PLEKHA7: variants seen among roughly 807,000 people sequenced by gnomAD.
PLEKHA7 encodes the protein pleckstrin homology domain containing A7.
In PLEKHA7, 104 loss-of-function variants were observed where a neutral mutation model predicts 170.0. The ratio of observed to expected loss-of-function variants is 0.61; its 90% CI spans 0.52 to 0.72. The LOEUF is 0.72. PLEKHA7 is among the 30% of genes least tolerant of loss of function. PLEKHA7 has a pLI of 0.00. For missense variants in PLEKHA7, 1,615 were observed against 1,671.7 expected, an observed-to-expected ratio of 0.97 and a Z score of 0.59; for synonymous variants, 648 against 660.8, an observed-to-expected ratio of 0.98 and a Z score of 0.30.
chr11:16,781,877 T>C (rs1849044844), intron 26 of PLEKHA7, among the ~76,000 whole-genome samples: 1 of 152,060 alleles, frequency 6.6e-6, no homozygotes, highest in Non-Finnish European at 1.5e-5. Context: ...CTTCAGGCTC[T>C]ATGGCTGTTC....
chr11:16,833,989 A>AT, intron 9 of PLEKHA7, among the ~76,000 whole-genome samples: 2 of 151,716 alleles, frequency 1.3e-5, no homozygotes, highest in African/African-American at 4.9e-5. Flanking sequence ...TTTTATATAT[A>AT]GATATATGTT....
At chr11:16,842,098 G>A (rs751207430) in intron 8 of PLEKHA7, among the ~76,000 whole-genome samples, 6 of 152,222 alleles carry the variant, frequency 3.9e-5, no homozygotes, top group Non-Finnish European at 8.8e-5. Flanking sequence ...TGTGATTCCT[G>A]CTTTGGCTAT....
intron 3 of PLEKHA7, among the ~76,000 whole-genome samples, chr11:16,929,596 G>T (rs2215086): frequency 0.13 from 20,106 of 152,252 alleles, 1,358 homozygotes; most frequent in Admixed American, 0.16. Context: ...TGCCTCCCCC[G>T]CTTCTTGGTA....
At chr11:16,799,217 A>G (rs1422352317) in intron 17 of PLEKHA7, among the ~76,000 whole-genome samples, 1 of 152,252 alleles carries the variant, frequency 6.6e-6, no homozygotes, top group Non-Finnish European at 1.5e-5. Flanking sequence ...ATATCAGGTT[A>G]TGACAAAAAA....
intron 13 of PLEKHA7, among the ~76,000 whole-genome samples, chr11:16,811,944 C>T (rs216492): frequency 0.37 from 56,631 of 151,988 alleles, 10,887 homozygotes; most frequent in South Asian, 0.51. Context: ...CATGCCACCT[C>T]CTCCCAGAAG....
intron 17 of PLEKHA7, 63 bp downstream of exon 17, chr11:16,800,911 G>GAAAAACA (rs545338870): frequency 2.3e-5 from 33 of 1,443,704 alleles, no homozygotes; most frequent in East Asian, 2.0e-4. Context: ...AAGTCTCTTG[G>GAAAAACA]AAAAACAAAA....
chr11:16,836,602 C>A (rs1391490169), intron 9 of PLEKHA7, among the ~76,000 whole-genome samples: 1 of 152,206 alleles, frequency 6.6e-6, no homozygotes, highest in Non-Finnish European at 1.5e-5. Context: ...AAGATTTAGT[C>A]TGCCTGACGA....
At chr11:16,929,934 G>A (rs1270284848) in intron 3 of PLEKHA7, among the ~76,000 whole-genome samples, 2 of 151,976 alleles carry the variant, frequency 1.3e-5, no homozygotes, top group African/African-American at 4.8e-5. Flanking sequence ...AACCCGGGAG[G>A]TGGAGGTTGC....
chr11:16,876,859 T>A (rs1590428002), intron 3 of PLEKHA7, among the ~76,000 whole-genome samples: 2 of 152,236 alleles, frequency 1.3e-5, no homozygotes, highest in East Asian at 3.8e-4. Flanking sequence ...TTCCAATTAC[T>A]TGGCACAGCA....
intron 14 of PLEKHA7, 68 bp downstream of exon 14, chr11:16,803,159 G>A: frequency 6.4e-7 from 1 of 1,568,212 alleles, no homozygotes; most frequent in South Asian, 1.1e-5. Flanking sequence ...AGCCCTGCCT[G>A]AAGCTGTTCA....
At chr11:16,874,571 T>C (rs1855135176) in intron 3 of PLEKHA7, among the ~76,000 whole-genome samples, 1 of 152,222 alleles carries the variant, frequency 6.6e-6, no homozygotes, top group Admixed American at 6.5e-5. Flanking sequence ...TTCTAAATTA[T>C]ATGTTCTCTG....
intron 3 of PLEKHA7, among the ~76,000 whole-genome samples, chr11:16,939,461 T>C (rs1032898202): frequency 6.6e-6 from 1 of 152,088 alleles, no homozygotes; most frequent in Non-Finnish European, 1.5e-5. Context: ...ATATTAGCTA[T>C]ACAACATAGA....
intron 3 of PLEKHA7, among the ~76,000 whole-genome samples, chr11:16,941,292 C>G (rs1860677929): frequency 6.6e-6 from 1 of 152,202 alleles, no homozygotes; most frequent in Non-Finnish European, 1.5e-5. Context: ...TCCCTGCTGA[C>G]TGGTCGTCCA....
chr11:16,925,360 C>A (rs1029285365), intron 3 of PLEKHA7, among the ~76,000 whole-genome samples: 3 of 152,226 alleles, frequency 2.0e-5, no homozygotes, highest in Non-Finnish European at 4.4e-5. Flanking sequence ...TGCAGAAACT[C>A]CAGCGGCCAG....
intron 9 of PLEKHA7, among the ~76,000 whole-genome samples, chr11:16,836,240 G>A (rs1753627227): frequency 6.6e-6 from 1 of 152,198 alleles, no homozygotes; most frequent in African/African-American, 2.4e-5. Flanking sequence ...GCTCAAGACT[G>A]AATTTAACAC....
chr11:16,791,003 C>T lies in PLEKHA7; in HGVS notation c.2934+8G>A. 1.9e-6 allele frequency: 3 copies of T among 1,614,046 alleles called. No individual in the cohort carries two copies. Among genetic ancestry groups the T allele is most frequent in the Middle Eastern group, 1.7e-4 (1 of 6,060 alleles). On this transcript the variant is annotated splice_region_variant and intron_variant, in intron 20 of 26. Coordinates refer to ENST00000531066, the MANE Select transcript of PLEKHA7 (RefSeq NM_001329630.2). The surrounding 1 kb of genome is among the most constrained non-coding windows in gnomAD (Gnocchi z 4.5). ...TGTAGAGTGGCAGCCCCAGGGTCCCCCGCTCACCCTGGAATCCCCATTCAC... is the reference window on the plus strand; with the variant it reads ...TGTAGAGTGGCAGCCCCAGGGTCCCTCGCTCACCCTGGAATCCCCATTCAC...
chr11:16,866,059 G>A (rs990188510), intron 4 of PLEKHA7, among the ~76,000 whole-genome samples: 5 of 151,624 alleles, frequency 3.3e-5, no homozygotes, highest in Admixed American at 2.0e-4. Context: ...GGGTGGTCTC[G>A]ATCTCCTGAC....
chr11:16,905,229 G>A (rs941703314), intron 3 of PLEKHA7, among the ~76,000 whole-genome samples: 1 of 152,070 alleles, frequency 6.6e-6, no homozygotes, highest in African/African-American at 2.4e-5. Context: ...TCCAACCTGG[G>A]TGTCAGAGCA....
intron 3 of PLEKHA7, among the ~76,000 whole-genome samples, chr11:16,891,311 T>C (rs563199874): frequency 1.3e-5 from 2 of 152,258 alleles, no homozygotes; most frequent in South Asian, 2.1e-4. Flanking sequence ...ATATAAAATA[T>C]ACAAAGGGTA....
Sources: allele counts gnomAD v4.1 joint callset (sites outside exome capture counted in the v4.1 genomes callset), GRCh38; gene constraint gnomAD v4.1.1; non-coding constraint Gnocchi (gnomAD v3.1); transcripts MANE v1.5; gene names NCBI Gene and HGNC (gene_info 2026-07-23, HGNC 2026-07-21).